The following IQCH variants were observed in gnomAD, a reference collection of about 807,000 sequenced individuals.
The protein encoded by IQCH is IQ motif containing H, also known as IQ domain-containing protein H.
IQCH carries 98 observed loss-of-function variants against 117.0 expected under a neutral mutation model. The ratio of observed to expected loss-of-function variants is 0.84; its 90% CI spans 0.71 to 0.99. The LOEUF (loss-of-function observed/expected upper bound fraction) is 0.99, where lower values mean the gene tolerates loss of function less well. Ranked by LOEUF, IQCH falls within the 50% of genes least tolerant of loss-of-function variation. The pLI, the probability that IQCH is intolerant of heterozygous loss-of-function variation, is 0.00. For missense variants in IQCH, 1,102 were observed against 1,243.8 expected (o/e 0.89, Z 1.72); for synonymous variants, 412 against 448.2 (o/e 0.92, Z 1.02).
intron 16 of IQCH, among the ~76,000 whole-genome samples, chr15:67,455,081 A>G (rs1352772280): frequency 6.6e-6 from 1 of 152,070 alleles, no homozygotes; most frequent in African/African-American, 2.4e-5. Context: ...TTGGTTTTTT[A>G]TTTCAACCAT....
intron 18 of IQCH, among the ~76,000 whole-genome samples, chr15:67,477,192 G>C (rs1029180044): frequency 2.0e-5 from 3 of 151,126 alleles, no homozygotes; most frequent in Non-Finnish European, 3.0e-5. Flanking sequence ...CTGCGATTAC[G>C]GGCACGTGCA....
intron 8 of IQCH, 136 bp downstream of exon 8, chr15:67,360,021 A>G (rs553276082): frequency 3.0e-6 from 2 of 663,318 alleles, no homozygotes; most frequent in East Asian, 2.7e-5. Flanking sequence ...TTTGTAAAAG[A>G]AATTAGATCA....
intron 4 of IQCH, among the ~76,000 whole-genome samples, chr15:67,324,311 A>AC (rs1183135249): frequency 2.0e-5 from 3 of 151,888 alleles, no homozygotes; most frequent in Admixed American, 2.0e-4. Flanking sequence ...TCCAAAAAAA[A>AC]AAAAAAAGTC....
chr15:67,307,107 T>C, intron 4 of IQCH: 5 of 1,179,216 alleles, frequency 4.2e-6, no homozygotes, highest in Non-Finnish European at 5.2e-6. Flanking sequence ...ATAACTGTTA[T>C]GACCTAGAAA....
At chr15:67,452,629 C>A (rs2082556956) in intron 16 of IQCH, among the ~76,000 whole-genome samples, 2 of 152,142 alleles carry the variant, frequency 1.3e-5, no homozygotes, top group South Asian at 4.1e-4. Flanking sequence ...TGTGGGTAAC[C>A]CGACCTTTCT....
chr15:67,419,324 C>G (rs1454524003), intron 15 of IQCH, among the ~76,000 whole-genome samples: 3 of 152,118 alleles, frequency 2.0e-5, no homozygotes, highest in African/African-American at 7.2e-5. Context: ...AAAGCTTCTG[C>G]CTTTCTCTCG....
intron 16 of IQCH, among the ~76,000 whole-genome samples, chr15:67,435,867 T>A (rs1360705662): frequency 6.6e-6 from 1 of 150,698 alleles, no homozygotes. Flanking sequence ...CAAGACCCTG[T>A]CTAAAAAAAA....
At position 67,481,128 on chromosome 15, in the gene IQCH, A is replaced by G. The variant is rs2141062977; in HGVS notation, c.2799+5310A>G. On this transcript the variant is annotated intron_variant, in intron 18 of 20. Transcript: ENST00000335894. This position sits in a 1 kb window ranked among gnomAD's most constrained non-coding sequence, Gnocchi z 4.1. The stretch of plus-strand genomic sequence containing the variant: ...AAATGTATGACTATAACCTACTATT[A>G]AAACCTCTGAATTAAAGTATCTCAG... Among the ~76,000 whole-genome samples, 1 of 152,348 alleles carries G rather than the reference A, an allele frequency of 6.6e-6. No homozygotes were observed. The highest frequency in any genetic ancestry group is 1.9e-4 in the East Asian group (1 of 5,192).
intron 4 of IQCH, among the ~76,000 whole-genome samples, chr15:67,333,984 G>A (rs1968782191): frequency 6.6e-6 from 1 of 152,122 alleles, no homozygotes; most frequent in African/African-American, 2.4e-5. Context: ...TCTGAGCTCA[G>A]GAGGTGAAGG....
rs1472094341 is a variant in IQCH at position 67,365,236 on chromosome 15, A to G, written c.753+5351A>G. ...GCTGGGATTATAGGCATGAGCCACCACACCTAGCCTGTGGAACTTCTTGAT... is the reference window on the plus strand; with the variant it reads ...GCTGGGATTATAGGCATGAGCCACCGCACCTAGCCTGTGGAACTTCTTGAT... On this transcript the variant is annotated intron_variant, in intron 8 of 20. Coordinates refer to ENST00000335894, the MANE Select transcript of IQCH (RefSeq NM_001031715.3). This position sits in a 1 kb window ranked among gnomAD's most constrained non-coding sequence, Gnocchi z 4.4. Among the ~76,000 whole-genome samples the G allele has an allele frequency of 6.6e-6, 1 of 152,148 alleles. No homozygotes were observed. Among genetic ancestry groups the G allele is most frequent in the Non-Finnish European group, 1.5e-5 (1 of 68,010 alleles).
chr15:67,438,333 T>C (rs953332547), intron 16 of IQCH, among the ~76,000 whole-genome samples: 1 of 152,232 alleles, frequency 6.6e-6, no homozygotes, highest in Admixed American at 6.5e-5. Context: ...ACAGTCATTT[T>C]CAGACAAACA....
At chr15:67,489,233 C>CT (rs2141086432) in intron 18 of IQCH, among the ~76,000 whole-genome samples, 1 of 151,952 alleles carries the variant, frequency 6.6e-6, no homozygotes, top group Non-Finnish European at 1.5e-5. Flanking sequence ...TGGGGTTTCA[C>CT]TGTGTTAGCC....
chr15:67,283,988 A>G (rs1255791170), intron 4 of IQCH, among the ~76,000 whole-genome samples: 1 of 152,206 alleles, frequency 6.6e-6, no homozygotes, highest in Non-Finnish European at 1.5e-5. Flanking sequence ...CATGATAATC[A>G]CATCAGGGTA....
intron 4 of IQCH, among the ~76,000 whole-genome samples, chr15:67,284,924 G>T (rs1966504736): frequency 6.6e-6 from 1 of 152,136 alleles, no homozygotes; most frequent in Non-Finnish European, 1.5e-5. Context: ...ACATATGTGT[G>T]CATGTATCTT....
intron 3 of IQCH, among the ~76,000 whole-genome samples, chr15:67,278,284 G>A (rs1448251272): frequency 6.6e-6 from 1 of 152,182 alleles, no homozygotes; most frequent in Non-Finnish European, 1.5e-5. Flanking sequence ...AAGCAGAAGC[G>A]GATTCTCTGA....
intron 8 of IQCH, chr15:67,360,139 A>C: frequency 2.4e-6 from 1 of 411,324 alleles, no homozygotes. Context: ...CAAATGACTT[A>C]GCGTCCTTAA....
At chr15:67,289,357 T>A (rs1029361446) in intron 4 of IQCH, among the ~76,000 whole-genome samples, 7 of 152,014 alleles carry the variant, frequency 4.6e-5, no homozygotes, top group African/African-American at 1.7e-4. Context: ...AGGTAAGAGA[T>A]GATGAAGGTC....
chr15:67,423,423 G>T (rs1242677542), intron 16 of IQCH, among the ~76,000 whole-genome samples: 1 of 151,910 alleles, frequency 6.6e-6, no homozygotes, highest in Non-Finnish European at 1.5e-5. Flanking sequence ...AAAAAAATTA[G>T]CCGGGCATAG....
chr15:67,294,438 C>A (rs781059298), intron 4 of IQCH, among the ~76,000 whole-genome samples: 2 of 152,160 alleles, frequency 1.3e-5, no homozygotes, highest in African/African-American at 4.8e-5. Flanking sequence ...AATATTTCCA[C>A]GTGTCCCAGT....
Sources: gnomAD v4.1 joint callset for allele counts (sites outside exome capture counted in the v4.1 genomes callset) on GRCh38, gnomAD v4.1.1 for gene constraint, Gnocchi (gnomAD v3.1) non-coding constraint, MANE v1.5 for transcripts, NCBI Gene and HGNC (gene_info 2026-07-23, HGNC 2026-07-21) for gene names.